The following BMPR1A variants were observed in gnomAD, a reference collection of about 807,000 sequenced individuals.
BMPR1A encodes bone morphogenetic protein receptor type-1A.
A neutral mutation model predicts 66.0 loss-of-function variants in BMPR1A; 7 were observed. The ratio of observed to expected loss-of-function variants is 0.11; its 90% CI spans 0.06 to 0.20. The LOEUF is 0.20. BMPR1A is among the 10% of genes least tolerant of loss of function. BMPR1A has a pLI of 1.00. For missense variants in BMPR1A, 408 were observed against 669.1 expected (o/e 0.61, Z 4.31); for synonymous variants, 200 against 229.7 (o/e 0.87, Z 1.17).
At chr10:86,773,269 G>A (rs936359089) in intron 1 of BMPR1A, among the ~76,000 whole-genome samples, 3 of 151,564 alleles carry the variant, frequency 2.0e-5, no homozygotes, top group Admixed American at 1.3e-4. Flanking sequence ...ATGTAGGGAA[G>A]CAGAACCTAA....
At chr10:86,756,364 C>G (rs1847861045), upstream of BMPR1A, 1 of 152,092 alleles carries the variant, frequency 6.6e-6, no homozygotes, top group South Asian at 2.1e-4. Context: ...CCGCCCGCAC[C>G]AGCAGCTCGG....
At chr10:86,767,592 C>T (rs758460456) in intron 1 of BMPR1A, among the ~76,000 whole-genome samples, 7 of 152,096 alleles carry the variant, frequency 4.6e-5, no homozygotes, top group Non-Finnish European at 1.0e-4. Context: ...GTGGGGGGAT[C>T]GCTTGAGCCC....
At chr10:86,896,014 C>T (rs1169943177) in intron 5 of BMPR1A, among the ~76,000 whole-genome samples, 4 of 151,992 alleles carry the variant, frequency 2.6e-5, no homozygotes, top group African/African-American at 9.7e-5. Context: ...ATTAGCCGGG[C>T]GTGGTGGCAC....
At chr10:86,800,810 G>A (rs1841801874) in intron 1 of BMPR1A, among the ~76,000 whole-genome samples, 1 of 152,174 alleles carries the variant, frequency 6.6e-6, no homozygotes. Flanking sequence ...ATAATTCATA[G>A]CAATTAATAT....
chr10:86,817,612 A>G (rs949119578), intron 1 of BMPR1A, among the ~76,000 whole-genome samples: 1 of 152,240 alleles, frequency 6.6e-6, no homozygotes, highest in Non-Finnish European at 1.5e-5. Flanking sequence ...ACCTGGATGA[A>G]ATGGACAGAT....
intron 1 of BMPR1A, among the ~76,000 whole-genome samples, chr10:86,774,609 G>A (rs574529828): frequency 6.6e-6 from 1 of 152,280 alleles, no homozygotes; most frequent in African/African-American, 2.4e-5. Flanking sequence ...TAACCCTGCT[G>A]CAAGCAAAAT....
chr10:86,914,493 G>A (rs1843535009), intron 8 of BMPR1A, among the ~76,000 whole-genome samples: 1 of 152,084 alleles, frequency 6.6e-6, no homozygotes, highest in South Asian at 2.1e-4. Flanking sequence ...CAGGGTTTTT[G>A]TGCAAAATAT....
At chr10:86,775,628 A>G (rs1388622395) in intron 1 of BMPR1A, among the ~76,000 whole-genome samples, 1 of 152,186 alleles carries the variant, frequency 6.6e-6, no homozygotes, top group African/African-American at 2.4e-5. Context: ...AGGATATACT[A>G]AGGAAAACAG....
rs890246657 is a variant in BMPR1A, at chr10:86,924,662, T to C, written c.*943T>C. The stretch of plus-strand genomic sequence containing the variant: ...GCAATGTAAGTGCCTATAACCATGT[T>C]CTATATTCTTTATTCTCAGTAACTT... On this transcript the variant is annotated 3_prime_UTR_variant, in exon 13 of 13. Transcript: ENST00000372037. The C allele has an allele frequency of 4.3e-6, 1 of 233,128 alleles. No homozygotes were observed. The highest frequency in any genetic ancestry group is 2.2e-5 in the African/African-American group (1 of 45,364). The allele number at this position is 233,128 out of a possible 1,614,324, so 14.4% of individuals were successfully genotyped here.
At chr10:86,906,307 G>A (rs71473282) in intron 7 of BMPR1A, among the ~76,000 whole-genome samples, 9,514 of 134,684 alleles carry the variant, frequency 0.071, 647 homozygotes, top group African/African-American at 0.18. Flanking sequence ...ATTTAGAAGC[G>A]TGTGTGTGTG....
chr10:86,916,582 C>T (rs1177951878), intron 8 of BMPR1A, among the ~76,000 whole-genome samples: 2 of 152,234 alleles, frequency 1.3e-5, no homozygotes, highest in East Asian at 1.9e-4. Flanking sequence ...ACCAAGACTA[C>T]CCACGACTGT....
intron 7 of BMPR1A, among the ~76,000 whole-genome samples, chr10:86,909,437 C>T (rs1459648126): frequency 6.6e-6 from 1 of 151,752 alleles, no homozygotes; most frequent in African/African-American, 2.4e-5. Context: ...ACTAAAAATA[C>T]AAAAATTAGC....
chr10:86,769,874 C>G (rs1841224311), intron 1 of BMPR1A, among the ~76,000 whole-genome samples: 1 of 152,024 alleles, frequency 6.6e-6, no homozygotes, highest in African/African-American at 2.4e-5. Context: ...ATTAGAAATC[C>G]CAGTGTGGAT....
At chr10:86,773,523 G>A (rs1336066857) in intron 1 of BMPR1A, among the ~76,000 whole-genome samples, 1 of 150,902 alleles carries the variant, frequency 6.6e-6, no homozygotes, top group African/African-American at 2.4e-5. Flanking sequence ...AACCCGGGAG[G>A]TGGAGGTTGC....
chr10:86,799,469 T>TTCCTTC (rs1841775518), intron 1 of BMPR1A, among the ~76,000 whole-genome samples: 13 of 120,904 alleles, frequency 1.1e-4, no homozygotes, highest in African/African-American at 3.8e-4. Context: ...TTCCTTCCTT[T>TTCCTTC]CTTCCTTCCT....
At chr10:86,788,676 C>T (rs753955352) in intron 1 of BMPR1A, among the ~76,000 whole-genome samples, 4 of 151,356 alleles carry the variant, frequency 2.6e-5, no homozygotes, top group Middle Eastern at 3.4e-3. Flanking sequence ...AGTGTGATCT[C>T]GGCTCACTGT....
chr10:86,904,165 A>G (rs1843351070), intron 7 of BMPR1A, among the ~76,000 whole-genome samples: 1 of 152,198 alleles, frequency 6.6e-6, no homozygotes, highest in African/African-American at 2.4e-5. Context: ...CGGCTTCCCA[A>G]AGTGTTGGGA....
At chr10:86,892,048 T>A in intron 4 of BMPR1A, 79 bp from the exon 5 acceptor site, 1 of 1,122,652 alleles carries the variant, frequency 8.9e-7, no homozygotes. Context: ...TCTGTACCTG[T>A]TCACATTCAG....
intron 1 of BMPR1A, among the ~76,000 whole-genome samples, chr10:86,767,402 A>G (rs1378593791): frequency 6.6e-6 from 1 of 152,148 alleles, no homozygotes; most frequent in African/African-American, 2.4e-5. Context: ...ATTATTTGGA[A>G]ACCTGGTGGC....
Sources: allele counts gnomAD v4.1 joint callset (sites outside exome capture counted in the v4.1 genomes callset), GRCh38; gene constraint gnomAD v4.1.1; transcripts MANE v1.5; gene names NCBI Gene and HGNC (gene_info 2026-07-23, HGNC 2026-07-21).